Variants in CTNNA2 observed in about 807,000 individuals in gnomAD.
CTNNA2 encodes the protein catenin alpha-2.
CTNNA2 carries 42 observed loss-of-function variants against 101.0 expected under a neutral mutation model. The observed-to-expected ratio is 0.42, with a 90% CI of 0.32 to 0.54. The LOEUF (loss-of-function observed/expected upper bound fraction) is 0.54. Ranked by LOEUF, CTNNA2 falls within the 20% of genes least tolerant of loss-of-function variation. The pLI, the probability that CTNNA2 is intolerant of heterozygous loss-of-function variation, is 0.14. For synonymous variants in CTNNA2, 450 were observed against 456.4 expected (o/e 0.99, Z 0.18); for missense variants, 871 against 1,223.1 (o/e 0.71, Z 4.29).
intron 9 of CTNNA2, among the ~76,000 whole-genome samples, chr2:80,429,356 T>C (rs1251229352): frequency 6.6e-6 from 1 of 152,270 alleles, no homozygotes; most frequent in Admixed American, 6.5e-5. Context: ...CCTGAGGTTT[T>C]AAGAAGTTTA....
intron 2 of CTNNA2, among the ~76,000 whole-genome samples, chr2:79,286,531 A>G (rs1308202030): frequency 6.6e-6 from 1 of 151,878 alleles, no homozygotes; most frequent in Non-Finnish European, 1.5e-5. Context: ...TTGGCTGGAT[A>G]TGAAATTCTG....
intron 7 of CTNNA2, among the ~76,000 whole-genome samples, chr2:79,962,062 A>C (rs1430092040): frequency 6.6e-6 from 1 of 152,220 alleles, no homozygotes; most frequent in Non-Finnish European, 1.5e-5. Flanking sequence ...TGCCATGACG[A>C]GGCAACCTGA....
At chr2:80,586,201 T>C (rs1315024046) in intron 14 of CTNNA2, 1 of 152,196 alleles carries the variant, frequency 6.6e-6, no homozygotes, top group East Asian at 1.9e-4. Context: ...AGTAGGGCAT[T>C]AATAGGAATT....
intron 2 of CTNNA2, among the ~76,000 whole-genome samples, chr2:79,225,516 C>T (rs961851958): frequency 5.3e-5 from 8 of 151,940 alleles, no homozygotes; most frequent in African/African-American, 1.9e-4. Context: ...AAAAATGGCC[C>T]CTGTCTTTTA....
At chr2:79,812,205 G>A (rs1273874116) in intron 3 of CTNNA2, among the ~76,000 whole-genome samples, 1 of 152,030 alleles carries the variant, frequency 6.6e-6, no homozygotes, top group Non-Finnish European at 1.5e-5. Context: ...TTTTATTTCT[G>A]TTTTTTCATT....
At chr2:79,946,869 A>G (rs1391042322) in intron 7 of CTNNA2, among the ~76,000 whole-genome samples, 1 of 152,218 alleles carries the variant, frequency 6.6e-6, no homozygotes, top group African/African-American at 2.4e-5. Flanking sequence ...CAAAAGCACC[A>G]AAAACTGTTC....
rs1674274511 is a variant in CTNNA2 at position 80,360,269 on chromosome 2, T to C, written c.1057-32942T>C. On this transcript the variant is annotated intron_variant, in intron 7 of 18. Transcript: ENST00000402739. ...ATTTCTATGATAAGTAACACACAACTGATCAAAACTATTAACCATTTTGAT... is the reference window on the plus strand; with the variant it reads ...ATTTCTATGATAAGTAACACACAACCGATCAAAACTATTAACCATTTTGAT... Among the ~76,000 whole-genome samples the C allele has an allele frequency of 3.9e-5, 6 of 152,260 alleles. No homozygotes were observed. In the South Asian group the frequency reaches 1.0e-3, roughly 26 times the overall value.
intron 3 of CTNNA2, among the ~76,000 whole-genome samples, chr2:79,851,163 T>TCTTCTGTGGTGACCTTGTAA (rs1217986888): frequency 1.3e-5 from 2 of 152,234 alleles, no homozygotes; most frequent in African/African-American, 2.4e-5. Flanking sequence ...TGCATCAAGA[T>TCTTCTGTGGTGACCTTGTAA]CTTCTGTGGT....
At chr2:80,271,566 C>G (rs960111774) in intron 7 of CTNNA2, among the ~76,000 whole-genome samples, 2 of 152,106 alleles carry the variant, frequency 1.3e-5, no homozygotes, top group African/African-American at 4.8e-5. Context: ...GGACTACAGG[C>G]GCAAGCCACC....
intron 7 of CTNNA2, among the ~76,000 whole-genome samples, chr2:80,247,411 A>G (rs1671409481): frequency 6.6e-6 from 1 of 152,164 alleles, no homozygotes; most frequent in Non-Finnish European, 1.5e-5. Context: ...TTAAAGCCTT[A>G]CCATTCTCTG....
chr2:80,250,619 C>T (rs1206443857), intron 7 of CTNNA2, among the ~76,000 whole-genome samples: 1 of 152,096 alleles, frequency 6.6e-6, no homozygotes, highest in Non-Finnish European at 1.5e-5. Flanking sequence ...CCCTCTGGAT[C>T]TGATGCTATG....
At chr2:80,297,075 C>G (rs201004402) in intron 7 of CTNNA2, among the ~76,000 whole-genome samples, 1 of 152,328 alleles carries the variant, frequency 6.6e-6, no homozygotes, top group East Asian at 1.9e-4. Context: ...CCGGAGAAGT[C>G]TCCTCTATTG....
chr2:80,618,703 A>G (rs1052961958), intron 17 of CTNNA2: 83 of 155,220 alleles, frequency 5.3e-4, no homozygotes, highest in Non-Finnish European at 2.0e-4. Flanking sequence ...ATCCCCACAT[A>G]CCGTTCCAGG....
At chr2:80,473,926 T>G (rs185114689) in intron 9 of CTNNA2, among the ~76,000 whole-genome samples, 1 of 152,180 alleles carries the variant, frequency 6.6e-6, no homozygotes, top group African/African-American at 2.4e-5. Flanking sequence ...TCAGAGTTTA[T>G]GTATAAACAT....
chr2:79,381,764 G>A (rs529730301), intron 4 of CTNNA2, among the ~76,000 whole-genome samples: 18 of 152,262 alleles, frequency 1.2e-4, no homozygotes, highest in African/African-American at 4.3e-4. Context: ...ATAATAGATT[G>A]CTCAACAAGC....
chr2:79,322,289 T>C (rs13388009), intron 3 of CTNNA2, among the ~76,000 whole-genome samples: 21,434 of 152,206 alleles, frequency 0.14, 1,604 homozygotes, highest in East Asian at 0.17. Context: ...TGCGGGGGGC[T>C]GCCACATTCG....
chr2:80,460,647 A>G (rs1684346615), intron 9 of CTNNA2, among the ~76,000 whole-genome samples: 1 of 152,078 alleles, frequency 6.6e-6, no homozygotes, highest in Non-Finnish European at 1.5e-5. Flanking sequence ...ACCCTACCAC[A>G]TCTTGTATTT....
chr2:79,543,908 G>A (rs1673570971), intron 1 of CTNNA2, among the ~76,000 whole-genome samples: 1 of 152,116 alleles, frequency 6.6e-6, no homozygotes, highest in Admixed American at 6.6e-5. Flanking sequence ...TCTTGGACAA[G>A]GGAAGAGTTG....
chr2:80,317,631 C>T (rs1433990036), intron 7 of CTNNA2, among the ~76,000 whole-genome samples: 1 of 152,138 alleles, frequency 6.6e-6, no homozygotes, highest in Non-Finnish European at 1.5e-5. Context: ...TCCTGGATTC[C>T]CACTCCTCTC....
Sources: allele counts gnomAD v4.1 joint callset (sites outside exome capture counted in the v4.1 genomes callset), GRCh38; gene constraint gnomAD v4.1.1; transcripts MANE v1.5; gene names NCBI Gene and HGNC (gene_info 2026-07-23, HGNC 2026-07-21).